RAB11FIP4: variants seen among roughly 807,000 people sequenced by gnomAD.
RAB11FIP4 encodes the protein rab11 family-interacting protein 4.
In RAB11FIP4, 23 loss-of-function variants were observed where a neutral mutation model predicts 74.3. The observed-to-expected ratio is 0.31, with a 90% CI of 0.22 to 0.44. The LOEUF is 0.44. Ranked by LOEUF, RAB11FIP4 falls within the 20% of genes least tolerant of loss-of-function variation. The pLI, the probability that RAB11FIP4 is intolerant of heterozygous loss-of-function variation, is 1.00. For missense variants in RAB11FIP4, 630 were observed against 863.9 expected, an observed-to-expected ratio of 0.73 and a Z score of 3.39; for synonymous variants, 360 against 359.9, an observed-to-expected ratio of 1.00 and a Z score of 0.00.
intron 3 of RAB11FIP4, chr17:31,509,013 T>A (rs1344075752): frequency 2.0e-5 from 3 of 152,676 alleles, no homozygotes; most frequent in Non-Finnish European, 4.4e-5. Flanking sequence ...CCGCCTTTGC[T>A]TTATGTAAAT....
intron 1 of RAB11FIP4, among the ~76,000 whole-genome samples, chr17:31,408,460 CT>C (rs540397051): frequency 1.3e-5 from 2 of 152,274 alleles, no homozygotes; most frequent in African/African-American, 4.8e-5. Flanking sequence ...GAATTAAGTA[CT>C]TTTTTTCCAT....
chr17:31,414,474 G>A (rs1226637666), intron 1 of RAB11FIP4, among the ~76,000 whole-genome samples: 1 of 152,278 alleles, frequency 6.6e-6, no homozygotes, highest in Non-Finnish European at 1.5e-5. Flanking sequence ...TGTCACTTTC[G>A]CTCCTATTCA....
At chr17:31,502,939 A>T (rs906116245) in intron 3 of RAB11FIP4, among the ~76,000 whole-genome samples, 3 of 152,060 alleles carry the variant, frequency 2.0e-5, no homozygotes, top group African/African-American at 7.2e-5. Flanking sequence ...CGTGTGTCCT[A>T]ATCTCCTCTT....
chr17:31,495,808 C>G (rs577949946), intron 3 of RAB11FIP4, among the ~76,000 whole-genome samples: 1 of 152,322 alleles, frequency 6.6e-6, no homozygotes, highest in South Asian at 2.1e-4. Context: ...TTTATAGCAG[C>G]AGGTGTGTGC....
At chr17:31,517,568 G>C in intron 3 of RAB11FIP4, 83 bp from the exon 4 acceptor site, 2 of 1,347,056 alleles carry the variant, frequency 1.5e-6, no homozygotes, top group South Asian at 1.3e-5. Context: ...TTTTGGCCTG[G>C]CTGATGCCCT....
At position 31,434,020 on chromosome 17, in the gene RAB11FIP4, G is replaced by A. The variant is rs753654133; in HGVS notation, c.248-14G>A. 1.3e-6 allele frequency: 2 copies of A among 1,573,634 alleles called. No homozygotes were observed. Among genetic ancestry groups the A allele is most frequent in the Non-Finnish European group, 1.7e-6 (2 of 1,168,394 alleles). On this transcript the variant is annotated splice_polypyrimidine_tract_variant and intron_variant, in intron 2 of 14. Coordinates refer to ENST00000621161, the MANE Select transcript of RAB11FIP4 (RefSeq NM_032932.6). Reference sequence around the variant, plus strand: ...CAACCCCTCACTGTCCCGTGTGTCTGCCTGTCTGCGCAGGGTGCGAGGAGC... The same window carrying A: ...CAACCCCTCACTGTCCCGTGTGTCTACCTGTCTGCGCAGGGTGCGAGGAGC...
At chr17:31,405,042 G>A (rs1339830717) in intron 1 of RAB11FIP4, among the ~76,000 whole-genome samples, 1 of 152,128 alleles carries the variant, frequency 6.6e-6, no homozygotes, top group African/African-American at 2.4e-5. Context: ...ATAAAATGTT[G>A]AAGAGGTTTA....
chr17:31,432,557 G>T (rs556392728), intron 2 of RAB11FIP4, among the ~76,000 whole-genome samples: 1 of 151,962 alleles, frequency 6.6e-6, no homozygotes, highest in Non-Finnish European at 1.5e-5. Flanking sequence ...ATGGAGTTTT[G>T]TCACGTTGTC....
At chr17:31,435,792 G>A (rs2071351761) in intron 3 of RAB11FIP4, among the ~76,000 whole-genome samples, 1 of 152,230 alleles carries the variant, frequency 6.6e-6, no homozygotes. Context: ...AGAGACCAAA[G>A]CCAGGCACCA....
intron 1 of RAB11FIP4, among the ~76,000 whole-genome samples, chr17:31,426,441 C>T (rs563795171): frequency 2.0e-5 from 3 of 152,196 alleles, no homozygotes; most frequent in African/African-American, 7.2e-5. Context: ...GTGAACCCTC[C>T]GTGGACTCCA....
At chr17:31,418,343 G>A (rs913143721) in intron 1 of RAB11FIP4, among the ~76,000 whole-genome samples, 6 of 152,030 alleles carry the variant, frequency 3.9e-5, no homozygotes, top group African/African-American at 7.2e-5. Flanking sequence ...AGCCGAGATC[G>A]CACCATTGCA....
At chr17:31,433,649 G>A (rs911686457) in intron 2 of RAB11FIP4, among the ~76,000 whole-genome samples, 6 of 152,168 alleles carry the variant, frequency 3.9e-5, no homozygotes, top group Admixed American at 6.5e-5. Flanking sequence ...CACGGGGGGC[G>A]CCCAGCCTCG....
At chr17:31,399,694 C>T (rs903024212) in intron 1 of RAB11FIP4, among the ~76,000 whole-genome samples, 9 of 151,754 alleles carry the variant, frequency 5.9e-5, no homozygotes. Flanking sequence ...GCCTGGATGA[C>T]AGAGCGAGAC....
intron 3 of RAB11FIP4, among the ~76,000 whole-genome samples, chr17:31,480,290 C>T (rs1206090039): frequency 2.6e-5 from 4 of 152,054 alleles, no homozygotes; most frequent in Non-Finnish European, 4.4e-5. Context: ...GGAGCGAGAA[C>T]ATTGTGTGCC....
chr17:31,525,547 C>G (rs1168542585), intron 10 of RAB11FIP4: 1 of 352,480 alleles, frequency 2.8e-6, no homozygotes, highest in Non-Finnish European at 5.2e-6. Context: ...TCAGGTTCTC[C>G]CCTGACCCCT....
intron 10 of RAB11FIP4, chr17:31,527,587 CTG>C (rs2072788649): frequency 4.4e-6 from 2 of 452,956 alleles, no homozygotes; most frequent in South Asian, 3.3e-5. Flanking sequence ...GAGCAGGACT[CTG>C]TCTCAAAAAA....
intron 3 of RAB11FIP4, among the ~76,000 whole-genome samples, chr17:31,479,567 A>G (rs1165667799): frequency 6.6e-6 from 1 of 152,194 alleles, no homozygotes; most frequent in Middle Eastern, 3.2e-3. Context: ...GCCAATCCTG[A>G]CAATTCAGTG....
chr17:31,517,222 G>GGGGGGGGGGGTGGGGGGGGGT (rs2072573853), intron 3 of RAB11FIP4, among the ~76,000 whole-genome samples: 1 of 95,582 alleles, frequency 1.0e-5, no homozygotes, highest in Non-Finnish European at 2.2e-5. Flanking sequence ...GGGCGGGGGG[G>GGGGGGGGGGGTGGGGGGGGGT]AAGGGGATGC....
intron 3 of RAB11FIP4, among the ~76,000 whole-genome samples, chr17:31,466,863 C>T (rs2071690828): frequency 6.6e-6 from 1 of 152,202 alleles, no homozygotes; most frequent in Non-Finnish European, 1.5e-5. Context: ...CCTTGAGTCT[C>T]AAAAGCTCAA....
Sources: gnomAD v4.1 joint callset for allele counts (sites outside exome capture counted in the v4.1 genomes callset) on GRCh38, gnomAD v4.1.1 for gene constraint, MANE v1.5 for transcripts, NCBI Gene and HGNC (gene_info 2026-07-23, HGNC 2026-07-21) for gene names.